Variants in PAIP1 observed in about 807,000 individuals in gnomAD.
PAIP1 encodes the protein poly(A) binding protein interacting protein 1.
PAIP1 carries 16 observed loss-of-function variants against 61.3 expected under a neutral mutation model. That is an observed-to-expected ratio of 0.26 (90% CI 0.18 to 0.40). The LOEUF is 0.40. Among genes scored for constraint, PAIP1 ranks in the 10% least tolerant of loss-of-function variants. PAIP1 has a pLI of 1.00. For synonymous variants in PAIP1, 187 were observed against 226.2 expected, an observed-to-expected ratio of 0.83 and a Z score of 1.56; for missense variants, 416 against 600.9, an observed-to-expected ratio of 0.69 and a Z score of 3.22.
rs532833053 is a variant in PAIP1 at position 43,536,036 on chromosome 5, G to A, written c.973-396C>T. Among the ~76,000 whole-genome samples the A allele has an allele frequency of 2.7e-5, 4 of 148,984 alleles. No individual in the cohort carries two copies. The East Asian group carries it at 7.8e-4, about 29-fold the overall frequency. On this transcript the variant is annotated intron_variant, in intron 6 of 10. Transcript: ENST00000306846. ...TTCATCAGGAAATAAATCAGTTAAG[G>A]ATTTAAACAGGTAATTTATAGGAAA... is the stretch of plus-strand genomic sequence containing the variant.
chr5:43,538,651 A>G (rs797008579), intron 5 of PAIP1, among the ~76,000 whole-genome samples: 2 of 152,222 alleles, frequency 1.3e-5, no homozygotes, highest in South Asian at 4.1e-4. Flanking sequence ...TGATATCTCA[A>G]GAACTTAAAT....
At chr5:43,543,510 G>C (rs1049980179) in intron 3 of PAIP1, among the ~76,000 whole-genome samples, 1 of 152,066 alleles carries the variant, frequency 6.6e-6, no homozygotes. Context: ...AGACTTTTTA[G>C]TGTTTGGCAG....
intron 5 of PAIP1, among the ~76,000 whole-genome samples, chr5:43,538,503 G>A (rs1747248152): frequency 6.6e-6 from 1 of 152,184 alleles, no homozygotes; most frequent in Admixed American, 6.6e-5. Context: ...GTGAATTAGA[G>A]TGAAAAGCCT....
intron 2 of PAIP1, among the ~76,000 whole-genome samples, chr5:43,548,713 A>T (rs911681156): frequency 2.0e-5 from 3 of 152,226 alleles, no homozygotes. Context: ...ATACCACCCG[A>T]AGCGCTTTAA....
chr5:43,535,396 T>C, intron 7 of PAIP1, 138 bp downstream of exon 7: 1 of 637,874 alleles, frequency 1.6e-6, no homozygotes. Flanking sequence ...AAAATATTAT[T>C]CCTTTAAAGA....
At chr5:43,554,899 T>C (rs572419289) in intron 2 of PAIP1, among the ~76,000 whole-genome samples, 19 of 152,026 alleles carry the variant, frequency 1.2e-4, no homozygotes, top group African/African-American at 3.6e-4. Context: ...AACCCAAGAG[T>C]GAAAGCTACC....
intron 8 of PAIP1, among the ~76,000 whole-genome samples, chr5:43,534,080 G>A (rs1251767040): frequency 2.6e-5 from 4 of 152,140 alleles, no homozygotes; most frequent in African/African-American, 9.7e-5. Flanking sequence ...TTTAGCTGTG[G>A]TTTCCAACCC....
intron 2 of PAIP1, among the ~76,000 whole-genome samples, chr5:43,553,333 G>A (rs1747936077): frequency 6.6e-6 from 1 of 152,124 alleles, no homozygotes; most frequent in Admixed American, 6.6e-5. Flanking sequence ...CACAGCAGAA[G>A]ACTACCATAA....
intron 5 of PAIP1, among the ~76,000 whole-genome samples, chr5:43,537,440 A>G (rs1434146246): frequency 3.3e-5 from 5 of 152,180 alleles, no homozygotes; most frequent in Non-Finnish European, 7.3e-5. Flanking sequence ...ATTGCTGTCC[A>G]TATTTTGGCT....
At chr5:43,538,802 T>C (rs1014707625) in intron 5 of PAIP1, 122 bp downstream of exon 5, 40 of 620,092 alleles carry the variant, frequency 6.5e-5, no homozygotes, top group Admixed American at 4.2e-4. Flanking sequence ...ACATGTTTTC[T>C]TTCCTCTCTC....
At chr5:43,532,909 T>A (rs1746998301) in intron 9 of PAIP1, among the ~76,000 whole-genome samples, 1 of 152,232 alleles carries the variant, frequency 6.6e-6, no homozygotes, top group Non-Finnish European at 1.5e-5. Context: ...TAGAATTTCA[T>A]ACAATCTGAT....
At chr5:43,546,779 G>A (rs1418526410) in intron 3 of PAIP1, among the ~76,000 whole-genome samples, 1 of 152,014 alleles carries the variant, frequency 6.6e-6, no homozygotes, top group Non-Finnish European at 1.5e-5. Context: ...AGCGGCTCAT[G>A]TCTGTAAAAT....
intron 2 of PAIP1, 29 bp downstream of exon 2, chr5:43,555,801 C>G (rs1748034499): frequency 6.4e-7 from 1 of 1,559,170 alleles, no homozygotes; most frequent in African/African-American, 1.4e-5. Flanking sequence ...TAAATTAACC[C>G]AGAGTTGTAG....
rs1226120604 is a variant in PAIP1 at position 43,538,636 on chromosome 5, A to C, written c.846+288T>G. ...AGATGTAAGAACTCAAAAAGGTATC[A>C]CTGTTGATATCTCAAGAACTTAAAT... On this transcript the variant is annotated intron_variant, in intron 5 of 10. Transcript: ENST00000306846. Among the ~76,000 whole-genome samples the C allele has an allele frequency of 2.0e-5, 3 of 152,212 alleles. No individual in the cohort carries two copies. In the South Asian group the frequency reaches 6.2e-4, roughly 32 times the overall value.
intron 2 of PAIP1, among the ~76,000 whole-genome samples, chr5:43,550,837 C>A (rs1226003609): frequency 9.1e-3 from 449 of 49,508 alleles, no homozygotes; most frequent in East Asian, 0.04. Flanking sequence ...AAATATACTA[C>A]AAAAAAAAAA....
intron 3 of PAIP1, among the ~76,000 whole-genome samples, chr5:43,543,784 C>G (rs1449653464): frequency 6.6e-6 from 1 of 151,132 alleles, no homozygotes; most frequent in East Asian, 1.9e-4. Context: ...ACTTTAATTG[C>G]AATTTCTAAA....
intron 3 of PAIP1, 147 bp downstream of exon 3, chr5:43,547,581 A>G: frequency 8.4e-6 from 5 of 592,446 alleles, no homozygotes; most frequent in Non-Finnish European, 1.2e-5. Flanking sequence ...GGAGTTTTAT[A>G]CAAGACAGAC....
rs1286495758 is a variant in PAIP1, at chr5:43,547,760, A to G, written c.589T>C (p.Leu197=). ...TAGATGAGTTCCACAAGTTCTTGCA[A>G]AGCATCATCTGTTGTAACACAACCA... The part of the protein sequence containing the change: ...LNGCVTTDDA[L]QELVELIYQQ... Residue 197 remains leucine (L), a synonymous_variant, in exon 3 of 11, where the codon TTG becomes CTG. Coordinates refer to ENST00000306846, the MANE Select transcript of PAIP1 (RefSeq NM_006451.5). The G allele has an allele frequency of 6.2e-7, 1 of 1,610,346 alleles. No individual in the cohort carries two copies. The highest frequency in any genetic ancestry group is 8.5e-7 in the Non-Finnish European group (1 of 1,179,294).
intron 2 of PAIP1, among the ~76,000 whole-genome samples, chr5:43,551,627 A>G (rs1374030135): frequency 6.6e-6 from 1 of 152,212 alleles, no homozygotes; most frequent in African/African-American, 2.4e-5. Context: ...ACCACTATTA[A>G]TGACAAGGAA....
Sources: gnomAD v4.1 joint callset for allele counts (sites outside exome capture counted in the v4.1 genomes callset) on GRCh38, gnomAD v4.1.1 for gene constraint, MANE v1.5 for transcripts, NCBI Gene and HGNC (gene_info 2026-07-23, HGNC 2026-07-21) for gene names.